The following CDH12 variants were observed in gnomAD, a reference collection of about 807,000 sequenced individuals.
CDH12 encodes the protein cadherin 12.
CDH12 carries 41 observed loss-of-function variants against 74.1 expected under a neutral mutation model. The ratio of observed to expected loss-of-function variants is 0.55; its 90% CI spans 0.43 to 0.72. The LOEUF (loss-of-function observed/expected upper bound fraction) is 0.72. Among genes scored for constraint, CDH12 ranks in the 30% least tolerant of loss-of-function variants. The probability of loss-of-function intolerance (pLI) is 0.00; values close to 1 mark genes in which losing one functional copy is unlikely to be tolerated. For synonymous variants in CDH12, 399 were observed against 355.0 expected (o/e 1.12, Z -1.39); for missense variants, 945 against 977.2 (o/e 0.97, Z 0.44).
intron 9 of CDH12, among the ~76,000 whole-genome samples, chr5:21,812,749 G>A (rs1275698389): frequency 6.6e-6 from 1 of 152,120 alleles, no homozygotes; most frequent in Non-Finnish European, 1.5e-5. Flanking sequence ...TAGGTGGACA[G>A]TTTTTAAGTT....
intron 3 of CDH12, among the ~76,000 whole-genome samples, chr5:22,341,357 A>G (rs573201584): frequency 6.6e-6 from 1 of 152,304 alleles, no homozygotes; most frequent in East Asian, 1.9e-4. Context: ...GACTTAAAAT[A>G]CAGGCTATGT....
At chr5:22,155,748 T>A (rs1747984497) in intron 4 of CDH12, among the ~76,000 whole-genome samples, 1 of 152,266 alleles carries the variant, frequency 6.6e-6, no homozygotes, top group South Asian at 2.1e-4. Flanking sequence ...TAAGGAAATA[T>A]ATTCCTAAAC....
At chr5:21,847,859 T>A (rs563515283) in intron 7 of CDH12, among the ~76,000 whole-genome samples, 2 of 152,106 alleles carry the variant, frequency 1.3e-5, no homozygotes, top group Non-Finnish European at 2.9e-5. Context: ...AAACACTATA[T>A]ATTTCCCGTA....
At chr5:21,988,932 C>T (rs570000673) in intron 5 of CDH12, among the ~76,000 whole-genome samples, 3 of 152,138 alleles carry the variant, frequency 2.0e-5, no homozygotes, top group Non-Finnish European at 4.4e-5. Flanking sequence ...GAGACAGATT[C>T]TCTAGTAGAA....
At chr5:22,796,126 C>A (rs534445373) in intron 1 of CDH12, among the ~76,000 whole-genome samples, 3 of 152,162 alleles carry the variant, frequency 2.0e-5, no homozygotes, top group Non-Finnish European at 4.4e-5. Flanking sequence ...CACATCTTGG[C>A]TATTGTGAAA....
At chr5:21,863,779 A>C (rs1751178020) in intron 6 of CDH12, among the ~76,000 whole-genome samples, 1 of 152,162 alleles carries the variant, frequency 6.6e-6, no homozygotes, top group Admixed American at 6.6e-5. Flanking sequence ...AGACTTAGCC[A>C]ATTTATGGAA....
At chr5:21,965,232 T>G (rs1422913911) in intron 6 of CDH12, among the ~76,000 whole-genome samples, 1 of 152,044 alleles carries the variant, frequency 6.6e-6, no homozygotes, top group Non-Finnish European at 1.5e-5. Context: ...GTTTTCGTGA[T>G]GCCAATGTTT....
chr5:22,073,048 C>T (rs1326327097), intron 5 of CDH12, among the ~76,000 whole-genome samples: 3 of 151,988 alleles, frequency 2.0e-5, no homozygotes, highest in Admixed American at 6.6e-5. Flanking sequence ...AAGTATATGT[C>T]TGTAAAGCAA....
At chr5:22,491,883 G>A (rs966868514) in intron 2 of CDH12, among the ~76,000 whole-genome samples, 6 of 152,144 alleles carry the variant, frequency 3.9e-5, no homozygotes, top group African/African-American at 7.2e-5. Flanking sequence ...GTAGATGACC[G>A]TCTTCTCCTG....
At chr5:22,445,097 G>A (rs1485702411) in intron 2 of CDH12, among the ~76,000 whole-genome samples, 1 of 152,082 alleles carries the variant, frequency 6.6e-6, no homozygotes, top group Non-Finnish European at 1.5e-5. Context: ...TATGGAAAGA[G>A]AGTATTTCAT....
intron 4 of CDH12, among the ~76,000 whole-genome samples, chr5:22,204,363 G>A (rs1219514932): frequency 1.3e-5 from 2 of 152,106 alleles, no homozygotes; most frequent in East Asian, 1.9e-4. Context: ...GGGTTTCACC[G>A]TGTTAGCCAG....
chr5:22,117,524 A>T (rs142599723), intron 4 of CDH12, among the ~76,000 whole-genome samples: 23,185 of 48,068 alleles, frequency 0.48, 5,371 homozygotes, highest in Non-Finnish European at 0.51. Context: ...TATATATATA[A>T]TATATATATA....
At chr5:22,828,384 A>T (rs1736434113) in intron 1 of CDH12, among the ~76,000 whole-genome samples, 1 of 152,196 alleles carries the variant, frequency 6.6e-6, no homozygotes, top group Non-Finnish European at 1.5e-5. Flanking sequence ...GGATAAAAAA[A>T]TTTGATAGGC....
chr5:22,792,679 G>A (rs1043657469), intron 1 of CDH12, among the ~76,000 whole-genome samples: 4 of 152,122 alleles, frequency 2.6e-5, no homozygotes, highest in Non-Finnish European at 4.4e-5. Context: ...TAAATTTGGT[G>A]AATTTGAGTC....
At chr5:22,672,110 T>G (rs1307451984) in intron 1 of CDH12, among the ~76,000 whole-genome samples, 1 of 57,368 alleles carries the variant, frequency 1.7e-5, no homozygotes, top group Non-Finnish European at 2.9e-5. Context: ...TATTATTATA[T>G]ATAAATATAT....
At chr5:22,691,324 A>G (rs1376736627) in intron 1 of CDH12, among the ~76,000 whole-genome samples, 1 of 152,168 alleles carries the variant, frequency 6.6e-6, no homozygotes, top group African/African-American at 2.4e-5. Flanking sequence ...TTAACTTGAT[A>G]CATCATCTAG....
intron 10 of CDH12, 105 bp downstream of exon 10, chr5:21,802,062 A>T: frequency 1.1e-6 from 1 of 927,398 alleles, no homozygotes; most frequent in Non-Finnish European, 1.6e-6. Flanking sequence ...ATATTCTATA[A>T]TTAAATCATC....
chr5:21,820,904 A>G (rs1748332322), intron 8 of CDH12, among the ~76,000 whole-genome samples: 2 of 152,090 alleles, frequency 1.3e-5, no homozygotes, highest in South Asian at 4.2e-4. Flanking sequence ...GTACCACACA[A>G]ATTGAGAAAT....
intron 4 of CDH12, among the ~76,000 whole-genome samples, chr5:22,146,732 C>G (rs921855651): frequency 3.9e-5 from 6 of 152,054 alleles, no homozygotes; most frequent in African/African-American, 1.4e-4. Flanking sequence ...TTTACTATTG[C>G]TTAATATAGA....
Sources: gnomAD v4.1 joint callset for allele counts (sites outside exome capture counted in the v4.1 genomes callset) on GRCh38, gnomAD v4.1.1 for gene constraint, MANE v1.5 for transcripts, NCBI Gene and HGNC (gene_info 2026-07-23, HGNC 2026-07-21) for gene names.